The following MYLK variants were observed in gnomAD, a reference collection of about 807,000 sequenced individuals.
MYLK encodes the protein myosin light chain kinase.
In MYLK, 106 loss-of-function variants were observed where a neutral mutation model predicts 203.4. The ratio of observed to expected loss-of-function variants is 0.52; its 90% CI spans 0.45 to 0.61. The LOEUF is 0.61. Ranked by LOEUF, MYLK falls within the 20% of genes least tolerant of loss-of-function variation. The pLI is 0.00. For missense variants in MYLK, 2,072 were observed against 2,442.3 expected, an observed-to-expected ratio of 0.85 and a Z score of 3.20; for synonymous variants, 867 against 959.5, an observed-to-expected ratio of 0.90 and a Z score of 1.78.
At chr3:123,867,519 G>T (rs1220255643) in intron 2 of MYLK, among the ~76,000 whole-genome samples, 3 of 151,958 alleles carry the variant, frequency 2.0e-5, no homozygotes, top group Non-Finnish European at 4.4e-5. Context: ...ACACAGAGGG[G>T]AGAAGTCCAT....
intron 4 of MYLK, among the ~76,000 whole-genome samples, chr3:123,790,758 T>G (rs2064747779): frequency 6.6e-6 from 1 of 152,204 alleles, no homozygotes; most frequent in African/African-American, 2.4e-5. Context: ...CTTTAGAACT[T>G]TCTCACATCT....
intron 23 of MYLK, among the ~76,000 whole-genome samples, chr3:123,662,969 A>C (rs1560036165): frequency 6.6e-6 from 1 of 152,154 alleles, no homozygotes; most frequent in African/African-American, 2.4e-5. Flanking sequence ...GCCAAGGACA[A>C]ATGGAAAACC....
At chr3:123,735,485 G>A in intron 8 of MYLK, 69 bp from the exon 9 acceptor site, 1 of 1,578,770 alleles carries the variant, frequency 6.3e-7, no homozygotes, top group East Asian at 2.2e-5. Flanking sequence ...TCCCTCCCCA[G>A]GCACTTCCTC....
chr3:123,865,487 C>T (rs911255051), intron 2 of MYLK, among the ~76,000 whole-genome samples: 1 of 152,196 alleles, frequency 6.6e-6, no homozygotes, highest in Non-Finnish European at 1.5e-5. Context: ...ACAGAAAACA[C>T]CCATTCCCTG....
In MYLK at chr3:123,722,180, T is replaced by C. The variant is rs775877814; in HGVS notation, c.1752A>G (p.Leu584=). ...ACACCTGCCCCAAGGCATTCTCAGCTAGGCAGGTGTAGGTGCCATGGTCCT... is the reference window on the plus strand; with the variant it reads ...ACACCTGCCCCAAGGCATTCTCAGCCAGGCAGGTGTAGGTGCCATGGTCCT... ...LPEDHGTYTC[L]AENALGQVSC... The change falls in exon 13 of 34, where the codon CTA becomes CTG. Residue 584 remains leucine, a synonymous_variant. Transcript: ENST00000360304. 69 of 1,562,482 alleles carry C rather than the reference T, an allele frequency of 4.4e-5. No individual in the cohort carries two copies. The highest frequency in any genetic ancestry group is 1.1e-4 in the African/African-American group (8 of 73,718).
intron 2 of MYLK, among the ~76,000 whole-genome samples, chr3:123,863,381 A>C (rs2032079257): frequency 6.6e-6 from 1 of 151,562 alleles, no homozygotes; most frequent in South Asian, 2.1e-4. Context: ...AAAAAAAAAA[A>C]AAAAAAGGTA....
At chr3:123,814,850 C>T (rs979258076) in intron 3 of MYLK, among the ~76,000 whole-genome samples, 21 of 152,002 alleles carry the variant, frequency 1.4e-4, no homozygotes, top group Non-Finnish European at 5.9e-5. Context: ...TGGAGTACAG[C>T]GGCATGATCT....
chr3:123,690,087 C>T (rs1419633636), intron 19 of MYLK, among the ~76,000 whole-genome samples: 1 of 152,180 alleles, frequency 6.6e-6, no homozygotes, highest in Non-Finnish European at 1.5e-5. Context: ...GCCAGGCCAG[C>T]CCTGCTGAGT....
chr3:123,852,362 A>G (rs969725191), intron 2 of MYLK, among the ~76,000 whole-genome samples: 5 of 152,030 alleles, frequency 3.3e-5, no homozygotes, highest in Non-Finnish European at 7.4e-5. Context: ...CTGGTCCTGG[A>G]CTTTTTTTGG....
chr3:123,759,674 A>G (rs548059507), intron 4 of MYLK, among the ~76,000 whole-genome samples: 5 of 152,336 alleles, frequency 3.3e-5, no homozygotes, highest in Non-Finnish European at 7.3e-5. Context: ...AAGCCAGCCA[A>G]TGAGAGATCT....
At chr3:123,615,991 A>T (rs984767064) in intron 33 of MYLK, among the ~76,000 whole-genome samples, 1 of 152,218 alleles carries the variant, frequency 6.6e-6, no homozygotes, top group Non-Finnish European at 1.5e-5. Context: ...AAATAATTTA[A>T]ATGAAAAATA....
At chr3:123,621,771 C>T (rs1335491721) in intron 31 of MYLK, 1 of 152,294 alleles carries the variant, frequency 6.6e-6, no homozygotes, top group Non-Finnish European at 1.5e-5. Flanking sequence ...CCTTCTCACA[C>T]ACATCACACT....
At chr3:123,724,728 G>A (rs1359751505) in intron 12 of MYLK, among the ~76,000 whole-genome samples, 1 of 100,762 alleles carries the variant, frequency 9.9e-6, no homozygotes, top group African/African-American at 3.6e-5. Flanking sequence ...CTGCTCGCTC[G>A]CTTGCTCGCT....
chr3:123,667,097 G>T (rs1182558805), intron 21 of MYLK, 40 bp downstream of exon 21: 13 of 1,600,468 alleles, frequency 8.1e-6, no homozygotes, highest in Non-Finnish European at 1.1e-5. Flanking sequence ...CCCCATGGTA[G>T]ATGACTTCTT....
At chr3:123,628,999 C>G (rs926547867) in intron 30 of MYLK, among the ~76,000 whole-genome samples, 2 of 152,104 alleles carry the variant, frequency 1.3e-5, no homozygotes, top group African/African-American at 4.8e-5. Context: ...TAAAAAAACA[C>G]TAAGCCAGAA....
At chr3:123,821,591 C>A (rs1442455026) in intron 3 of MYLK, among the ~76,000 whole-genome samples, 1 of 152,212 alleles carries the variant, frequency 6.6e-6, no homozygotes, top group African/African-American at 2.4e-5. Context: ...TCATCCCGCA[C>A]CCAGGGTCTC....
chr3:123,759,911 C>A (rs1262233882), intron 4 of MYLK, among the ~76,000 whole-genome samples: 1 of 152,210 alleles, frequency 6.6e-6, no homozygotes, highest in Non-Finnish European at 1.5e-5. Flanking sequence ...CTGTGGTAGA[C>A]TCTGGACCCG....
intron 29 of MYLK, among the ~76,000 whole-genome samples, chr3:123,635,337 T>C (rs915140879): frequency 1.3e-5 from 2 of 152,238 alleles, no homozygotes; most frequent in African/African-American, 2.4e-5. Flanking sequence ...TTGGCGCCAA[T>C]GTTTGTTTTC....
intron 2 of MYLK, among the ~76,000 whole-genome samples, chr3:123,864,527 GTTAAC>G (rs1457825407): frequency 6.6e-6 from 1 of 152,152 alleles, no homozygotes; most frequent in Non-Finnish European, 1.5e-5. Context: ...ACAGGAAAAT[GTTAAC>G]TTTAGAATCT....
Sources: allele counts gnomAD v4.1 joint callset (sites outside exome capture counted in the v4.1 genomes callset), GRCh38; gene constraint gnomAD v4.1.1; transcripts MANE v1.5; gene names NCBI Gene and HGNC (gene_info 2026-07-23, HGNC 2026-07-21).